SYN3: variants seen among roughly 807,000 people sequenced by gnomAD.
The protein encoded by SYN3 is synapsin-3.
SYN3 carries 35 observed loss-of-function variants against 65.8 expected under a neutral mutation model. That is an observed-to-expected ratio of 0.53 (90% CI 0.41 to 0.70). The LOEUF is 0.70. Among genes scored for constraint, SYN3 ranks in the 30% least tolerant of loss-of-function variants. The pLI, the probability that SYN3 is intolerant of heterozygous loss-of-function variation, is 0.00. For missense variants in SYN3, 680 were observed against 749.0 expected (o/e 0.91, Z 1.08); for synonymous variants, 270 against 292.9 (o/e 0.92, Z 0.80).
At chr22:32,772,602 G>T (rs1194494101) in intron 6 of SYN3, among the ~76,000 whole-genome samples, 1 of 152,218 alleles carries the variant, frequency 6.6e-6, no homozygotes, top group African/African-American at 2.4e-5. Context: ...ATTATGTTAA[G>T]AATTTTGAGA....
intron 3 of SYN3, among the ~76,000 whole-genome samples, chr22:32,944,502 G>A (rs568884047): frequency 1.0e-3 from 157 of 152,256 alleles, no homozygotes; most frequent in Non-Finnish European, 1.7e-3. Flanking sequence ...AGCCCTTCAT[G>A]CTAAAAACTC....
At chr22:32,592,513 C>G (rs2059142003) in intron 7 of SYN3, among the ~76,000 whole-genome samples, 1 of 152,120 alleles carries the variant, frequency 6.6e-6, no homozygotes, top group Admixed American at 6.6e-5. Context: ...GGTAATTGTT[C>G]CATCTCTTGT....
At chr22:32,927,026 G>A (rs2050492561) in intron 4 of SYN3, among the ~76,000 whole-genome samples, 1 of 152,114 alleles carries the variant, frequency 6.6e-6, no homozygotes, top group Non-Finnish European at 1.5e-5. Flanking sequence ...GGGGACACAG[G>A]AACAGTCTCA....
chr22:33,034,547 G>C (rs982449162), intron 1 of SYN3, among the ~76,000 whole-genome samples: 1 of 151,984 alleles, frequency 6.6e-6, no homozygotes, highest in Non-Finnish European at 1.5e-5. Context: ...CGCTCGGCCA[G>C]TATGTACTAC....
chr22:32,898,530 C>G (rs1461740314), intron 4 of SYN3, among the ~76,000 whole-genome samples: 1 of 152,222 alleles, frequency 6.6e-6, no homozygotes, highest in Admixed American at 6.5e-5. Context: ...TTACTTCCAG[C>G]TCCCAAGGCT....
intron 6 of SYN3, among the ~76,000 whole-genome samples, chr22:32,797,014 T>G: frequency 6.6e-6 from 1 of 152,118 alleles, no homozygotes; most frequent in East Asian, 1.9e-4. Flanking sequence ...CTGAGAGCTT[T>G]GTGGCCATGG....
intron 3 of SYN3, among the ~76,000 whole-genome samples, chr22:32,958,274 G>C (rs887401827): frequency 1.3e-5 from 2 of 152,188 alleles, no homozygotes; most frequent in Non-Finnish European, 2.9e-5. Context: ...CAGAGCAAGG[G>C]AAGTGCAAAC....
chr22:32,689,765 T>G (rs1238461959), intron 6 of SYN3, among the ~76,000 whole-genome samples: 1 of 152,094 alleles, frequency 6.6e-6, no homozygotes, highest in Non-Finnish European at 1.5e-5. Flanking sequence ...GCCCTCTCAA[T>G]AGTCATGCAT....
chr22:32,948,007 G>A (rs746346496), intron 3 of SYN3, among the ~76,000 whole-genome samples: 2 of 152,204 alleles, frequency 1.3e-5, no homozygotes, highest in African/African-American at 4.8e-5. Flanking sequence ...TTTCCTGGGA[G>A]AGACTCTCAG....
At chr22:32,737,259 C>T (rs1489149434) in intron 6 of SYN3, among the ~76,000 whole-genome samples, 3 of 152,144 alleles carry the variant, frequency 2.0e-5, no homozygotes, top group African/African-American at 7.2e-5. Context: ...AAAAAGGAAA[C>T]TGAGGGTTGG....
At chr22:32,824,005 G>A (rs1327255898) in intron 6 of SYN3, among the ~76,000 whole-genome samples, 1 of 152,144 alleles carries the variant, frequency 6.6e-6, no homozygotes, top group African/African-American at 2.4e-5. Flanking sequence ...CAGGCCAGGC[G>A]CGGTGACTCA....
intron 6 of SYN3, among the ~76,000 whole-genome samples, chr22:32,790,185 G>A (rs2046289775): frequency 6.6e-6 from 1 of 152,160 alleles, no homozygotes; most frequent in African/African-American, 2.4e-5. Context: ...AATTTCTGTG[G>A]TGTAAATACT....
intron 6 of SYN3, among the ~76,000 whole-genome samples, chr22:32,780,728 C>A (rs1183125672): frequency 6.6e-6 from 1 of 152,174 alleles, no homozygotes; most frequent in African/African-American, 2.4e-5. Flanking sequence ...ATCTACTGAA[C>A]TTCCTGTGCC....
At chr22:32,791,817 G>T (rs1344559084) in intron 6 of SYN3, among the ~76,000 whole-genome samples, 1 of 152,038 alleles carries the variant, frequency 6.6e-6, no homozygotes, top group African/African-American at 2.4e-5. Context: ...TATGCAAACT[G>T]CCTAGAAGAA....
rs184022073 is a variant in SYN3 at position 32,954,511 on chromosome 22, T to C, written c.370-23030A>G. Among the ~76,000 whole-genome samples the C allele has an allele frequency of 3.7e-3, 571 of 152,400 alleles. 3 individuals carry two copies. Among genetic ancestry groups the C allele is most frequent in the African/African-American group, 0.012 (516 of 41,604 alleles). ...ACATTTACGTCCCATTGCTATGAGC[T>C]GGGCTCCACATGCTTAGACACCATT... is the stretch of plus-strand genomic sequence containing the variant. On this transcript the variant is annotated intron_variant, in intron 3 of 13. Transcript: ENST00000358763.
intron 6 of SYN3, among the ~76,000 whole-genome samples, chr22:32,813,897 A>G (rs1455162457): frequency 6.6e-6 from 1 of 152,166 alleles, no homozygotes; most frequent in East Asian, 1.9e-4. Context: ...ATGGAAATAA[A>G]AGGCCTGGCT....
chr22:32,952,751 T>C (rs1022363860), intron 3 of SYN3, among the ~76,000 whole-genome samples: 4 of 152,006 alleles, frequency 2.6e-5, no homozygotes, highest in Non-Finnish European at 5.9e-5. Context: ...CAAAACCCTA[T>C]CTCAAATAAA....
intron 7 of SYN3, among the ~76,000 whole-genome samples, chr22:32,589,539 T>C (rs962100954): frequency 6.6e-6 from 1 of 152,280 alleles, no homozygotes; most frequent in African/African-American, 2.4e-5. Flanking sequence ...CTCTTGAAAC[T>C]CTCAATAAGT....
intron 6 of SYN3, among the ~76,000 whole-genome samples, chr22:32,788,971 C>T (rs1016563951): frequency 3.3e-5 from 5 of 152,092 alleles, no homozygotes; most frequent in Non-Finnish European, 7.4e-5. Context: ...ACATGCTGCC[C>T]CCCCACCCCC....
Sources: allele counts gnomAD v4.1 joint callset (sites outside exome capture counted in the v4.1 genomes callset), GRCh38; gene constraint gnomAD v4.1.1; transcripts MANE v1.5; gene names NCBI Gene and HGNC (gene_info 2026-07-23, HGNC 2026-07-21).